SORCS3: variants seen among roughly 807,000 people sequenced by gnomAD.
The protein encoded by SORCS3 is sortilin related VPS10 domain containing receptor 3.
SORCS3 carries 57 observed loss-of-function variants against 146.3 expected under a neutral mutation model. That is an observed-to-expected ratio of 0.39 (90% confidence interval 0.31 to 0.49). The LOEUF is 0.49. Ranked by LOEUF, SORCS3 falls within the 20% of genes least tolerant of loss-of-function variation. SORCS3 has a pLI of 0.92. For synonymous variants in SORCS3, 653 were observed against 618.5 expected (o/e 1.06, Z -0.83); for missense variants, 1,341 against 1,575.5 (o/e 0.85, Z 2.52).
At chr10:105,207,271 G>A (rs1843096) in intron 16 of SORCS3, among the ~76,000 whole-genome samples, 32,982 of 127,016 alleles carry the variant, frequency 0.26, 3,610 homozygotes, top group South Asian at 0.34. Flanking sequence ...GCATGCAGAG[G>A]TTTATTATTA....
intron 20 of SORCS3, among the ~76,000 whole-genome samples, chr10:105,240,359 G>C (rs973066577): frequency 2.6e-5 from 4 of 152,182 alleles, no homozygotes; most frequent in Admixed American, 1.3e-4. Context: ...TATTAAGGGA[G>C]AAAAATGCCT....
rs754910957 is a variant in SORCS3 at position 105,167,208 on chromosome 10, G to T, written c.1810-50G>T. On this transcript the variant is annotated intron_variant, in intron 12 of 26. Transcript: ENST00000369701. ...AAGACTGTAAACTGTTAAGCACTAT[G>T]CAAATGTAAGGTGTTGCTATGATTG... The T allele has an allele frequency of 6.3e-6, 9 of 1,418,030 alleles. No individual in the cohort carries two copies. In the African/African-American group the frequency reaches 7.1e-5, roughly 11 times the overall value. 87.8% of individuals were successfully genotyped at this position (1,418,030 alleles called of 1,614,324 possible).
chr10:105,159,851 A>G (rs1302316386), intron 11 of SORCS3, among the ~76,000 whole-genome samples: 1 of 152,180 alleles, frequency 6.6e-6, no homozygotes, highest in East Asian at 1.9e-4. Flanking sequence ...GCTTTTAGAT[A>G]CCACCAGTGA....
At chr10:104,898,395 T>C (rs2018820016) in intron 2 of SORCS3, among the ~76,000 whole-genome samples, 1 of 152,198 alleles carries the variant, frequency 6.6e-6, no homozygotes, top group African/African-American at 2.4e-5. Context: ...TATTTCTTTT[T>C]CTTTTGGTAG....
chr10:105,053,596 TA>T (rs1245117559), intron 5 of SORCS3, among the ~76,000 whole-genome samples: 49 of 151,946 alleles, frequency 3.2e-4, no homozygotes, highest in Non-Finnish European at 4.3e-4. Flanking sequence ...TATAATATAG[TA>T]TAATTTTAAA....
At chr10:104,940,181 C>T (rs867728142) in intron 3 of SORCS3, among the ~76,000 whole-genome samples, 3 of 115,998 alleles carry the variant, frequency 2.6e-5, no homozygotes, top group Non-Finnish European at 3.8e-5. Flanking sequence ...TTTCCAGAAC[C>T]GAGAGTTCCT....
At chr10:105,248,518 A>G (rs1049506881) in intron 22 of SORCS3, among the ~76,000 whole-genome samples, 1 of 152,160 alleles carries the variant, frequency 6.6e-6, no homozygotes, top group African/African-American at 2.4e-5. Context: ...GATCGAGACC[A>G]TCCTGGCCAA....
At chr10:104,722,691 C>A (rs1010522764) in intron 1 of SORCS3, among the ~76,000 whole-genome samples, 5 of 152,112 alleles carry the variant, frequency 3.3e-5, no homozygotes, top group African/African-American at 9.7e-5. Flanking sequence ...TCAGCTTCTT[C>A]CTGGTTTAGT....
intron 13 of SORCS3, among the ~76,000 whole-genome samples, chr10:105,176,187 C>T (rs553181031): frequency 6.6e-6 from 1 of 151,896 alleles, no homozygotes; most frequent in Non-Finnish European, 1.5e-5. Context: ...AACTATATGC[C>T]AGGTTTTCTG....
intron 20 of SORCS3, among the ~76,000 whole-genome samples, chr10:105,234,349 A>C (rs1465337440): frequency 6.6e-6 from 1 of 151,936 alleles, no homozygotes; most frequent in Non-Finnish European, 1.5e-5. Flanking sequence ...AAAATGATAC[A>C]TCTAGGTGTA....
At chr10:104,711,560 C>T (rs1466925297) in intron 1 of SORCS3, among the ~76,000 whole-genome samples, 2 of 152,224 alleles carry the variant, frequency 1.3e-5, no homozygotes, top group African/African-American at 2.4e-5. Context: ...AGCTACCCTT[C>T]CTAGCAATCC....
chr10:105,067,633 C>G (rs1375774316), intron 5 of SORCS3, among the ~76,000 whole-genome samples: 1 of 152,142 alleles, frequency 6.6e-6, no homozygotes, highest in Admixed American at 6.5e-5. Context: ...AATGAATGTG[C>G]TTCCTTACCT....
intron 7 of SORCS3, among the ~76,000 whole-genome samples, chr10:105,126,770 A>G (rs2055977702): frequency 6.6e-6 from 1 of 152,168 alleles, no homozygotes. Context: ...CATCTACAAA[A>G]TGGAGATAGG....
At chr10:104,973,364 A>G (rs2133645037) in intron 3 of SORCS3, among the ~76,000 whole-genome samples, 1 of 152,116 alleles carries the variant, frequency 6.6e-6, no homozygotes, top group Middle Eastern at 3.4e-3. Flanking sequence ...TTATTGCCAC[A>G]ATTTCAGCTC....
At chr10:104,937,579 T>C (rs1201910240) in intron 3 of SORCS3, among the ~76,000 whole-genome samples, 1 of 152,180 alleles carries the variant, frequency 6.6e-6, no homozygotes, top group Admixed American at 6.5e-5. Context: ...AAAACAACAT[T>C]AAATATCTGA....
chr10:104,992,318 A>G (rs1439464822), intron 4 of SORCS3, among the ~76,000 whole-genome samples: 1 of 152,228 alleles, frequency 6.6e-6, no homozygotes, highest in Admixed American at 6.5e-5. Context: ...ACCCCTTGGA[A>G]GAACATCGAG....
intron 4 of SORCS3, among the ~76,000 whole-genome samples, chr10:104,994,694 G>T (rs2055013752): frequency 6.6e-6 from 1 of 152,100 alleles, no homozygotes; most frequent in Non-Finnish European, 1.5e-5. Context: ...TTCATATAAA[G>T]GGAATCATAA....
At chr10:105,014,693 A>G (rs1010786427) in intron 4 of SORCS3, among the ~76,000 whole-genome samples, 2 of 127,664 alleles carry the variant, frequency 1.6e-5, no homozygotes, top group Non-Finnish European at 3.2e-5. Context: ...CTTTCCCCCA[A>G]AATTTATATG....
chr10:104,963,763 A>G (rs1224408912), intron 3 of SORCS3, among the ~76,000 whole-genome samples: 3 of 152,026 alleles, frequency 2.0e-5, no homozygotes. Flanking sequence ...AAAGCCCTGA[A>G]CCTGTTTTTC....
Sources: allele counts gnomAD v4.1 joint callset (sites outside exome capture counted in the v4.1 genomes callset), GRCh38; gene constraint gnomAD v4.1.1; transcripts MANE v1.5; gene names NCBI Gene and HGNC (gene_info 2026-07-23, HGNC 2026-07-21).